The following PARVA variants were observed in gnomAD, a reference collection of about 807,000 sequenced individuals.
The protein encoded by PARVA is parvin alpha.
PARVA carries 25 observed loss-of-function variants against 52.6 expected under a neutral mutation model. The observed-to-expected ratio is 0.48, with a 90% CI of 0.35 to 0.66. The LOEUF (loss-of-function observed/expected upper bound fraction) is 0.66, where lower values mean the gene tolerates loss of function less well. PARVA is among the 30% of genes least tolerant of loss of function. The pLI is 0.01. For missense variants in PARVA, 373 were observed against 450.9 expected, an observed-to-expected ratio of 0.83 and a Z score of 1.56; for synonymous variants, 185 against 179.1, an observed-to-expected ratio of 1.03 and a Z score of -0.26.
Position 12,523,793 on chromosome 11 carries a change from G to C in PARVA, c.1043-4056G>C, listed in dbSNP as rs113675148. Among the ~76,000 whole-genome samples the C allele has an allele frequency of 4.7e-3, 723 of 152,330 alleles. 5 individuals are homozygous for C. The highest frequency in any genetic ancestry group is 0.017 in the African/African-American group (695 of 41,572). On this transcript the variant is annotated intron_variant, in intron 12 of 12. Transcript: ENST00000334956. ...GAGAGGGGCCCTGGGCCAGCACACAGAGGCTATCAGAACTGAACTGAGTTG... is the reference window on the plus strand; with the variant it reads ...GAGAGGGGCCCTGGGCCAGCACACACAGGCTATCAGAACTGAACTGAGTTG...
intron 1 of PARVA, among the ~76,000 whole-genome samples, chr11:12,458,498 A>G (rs1463306729): frequency 6.6e-6 from 1 of 152,224 alleles, no homozygotes; most frequent in African/African-American, 2.4e-5. Context: ...GGATTCTGCA[A>G]CCTGCTCATT....
chr11:12,503,884 T>G (rs962878351), intron 5 of PARVA, among the ~76,000 whole-genome samples: 1 of 152,144 alleles, frequency 6.6e-6, no homozygotes, highest in Non-Finnish European at 1.5e-5. Context: ...GCTGGGTAAT[T>G]TATAAATAAA....
chr11:12,444,707 C>T (rs918533269), intron 1 of PARVA, among the ~76,000 whole-genome samples: 12 of 152,130 alleles, frequency 7.9e-5, no homozygotes, highest in Admixed American at 5.2e-4. Context: ...ATCTTAAATG[C>T]ATTATATAAT....
chr11:12,429,896 A>G (rs1445136594), intron 1 of PARVA, among the ~76,000 whole-genome samples: 1 of 152,196 alleles, frequency 6.6e-6, no homozygotes, highest in African/African-American at 2.4e-5. Context: ...TCATTCACCA[A>G]TGGCATGAGC....
intron 4 of PARVA, among the ~76,000 whole-genome samples, chr11:12,491,574 A>G (rs952912412): frequency 5.3e-5 from 8 of 152,258 alleles, no homozygotes; most frequent in African/African-American, 1.7e-4. Flanking sequence ...ACTATTTTAC[A>G]TCATACAAAA....
chr11:12,484,505 GT>G (rs1357979815), intron 4 of PARVA, among the ~76,000 whole-genome samples: 94 of 814 alleles, frequency 0.12, no homozygotes, highest in East Asian at 0.21. Flanking sequence ...TTTTGTTTTG[GT>G]GTGTGTGTGT....
intron 5 of PARVA, among the ~76,000 whole-genome samples, chr11:12,499,766 C>G (rs1429335685): frequency 6.6e-6 from 1 of 151,828 alleles, no homozygotes; most frequent in East Asian, 1.9e-4. Context: ...TCTTCAAGTT[C>G]TGTGTGTGTC....
intron 1 of PARVA, among the ~76,000 whole-genome samples, chr11:12,447,824 G>C (rs1940567540): frequency 6.6e-6 from 1 of 152,188 alleles, no homozygotes. Context: ...CAGTGTTGGG[G>C]AATGAACATG....
At position 12,504,676 on chromosome 11, in the gene PARVA, T is replaced by A. The variant is rs2303495; in HGVS notation, c.657+247T>A. Among the ~76,000 whole-genome samples, 1,153 of 151,738 alleles carry A rather than the reference T, an allele frequency of 7.6e-3. 50 individuals carry two copies. In the East Asian group the frequency reaches 0.11, roughly 15 times the overall value. The stretch of plus-strand genomic sequence containing the variant: ...TTTGTGTGGGGTATGTGCCTATGGT[T>A]TATGTGTTTTTGTCTGAGTTTTCTG... On this transcript the variant is annotated intron_variant, in intron 6 of 12. Coordinates refer to ENST00000334956, the MANE Select transcript of PARVA (RefSeq NM_018222.5).
chr11:12,459,559 T>TG (rs1351524222), intron 1 of PARVA, among the ~76,000 whole-genome samples: 2 of 152,156 alleles, frequency 1.3e-5, no homozygotes, highest in African/African-American at 2.4e-5. Flanking sequence ...AGCTGGGAAA[T>TG]GACCCAACTG....
chr11:12,422,408 T>A (rs1386845595), intron 1 of PARVA, among the ~76,000 whole-genome samples: 2 of 152,256 alleles, frequency 1.3e-5, no homozygotes, highest in East Asian at 3.8e-4. Flanking sequence ...TCTAGTTCCA[T>A]ATTGTTAGAC....
At chr11:12,387,892 A>G (rs1399771307) in intron 1 of PARVA, among the ~76,000 whole-genome samples, 1 of 152,182 alleles carries the variant, frequency 6.6e-6, no homozygotes. Context: ...CTAAGGTAAA[A>G]GAGCCCAATA....
chr11:12,441,209 C>T (rs1311367234), intron 1 of PARVA, among the ~76,000 whole-genome samples: 1 of 152,164 alleles, frequency 6.6e-6, no homozygotes, highest in Non-Finnish European at 1.5e-5. Context: ...GCGTTCCTGA[C>T]CTCTGCTAAA....
chr11:12,384,119 T>G (rs1459324627), intron 1 of PARVA, among the ~76,000 whole-genome samples: 3 of 152,332 alleles, frequency 2.0e-5, no homozygotes, highest in South Asian at 2.1e-4. Flanking sequence ...TTCAGCTTCC[T>G]CCCAGACTTG....
chr11:12,514,164 G>A, intron 10 of PARVA, 99 bp downstream of exon 10: 1 of 827,490 alleles, frequency 1.2e-6, no homozygotes, highest in Non-Finnish European at 2.1e-6. Context: ...TTTCCCAGCT[G>A]AGGGGGATGA....
At chr11:12,483,294 C>T (rs140990192) in intron 4 of PARVA, among the ~76,000 whole-genome samples, 147 of 152,252 alleles carry the variant, frequency 9.7e-4, no homozygotes, top group African/African-American at 3.4e-3. Flanking sequence ...CAAAAGCAGA[C>T]GCCAAGACAA....
At chr11:12,471,579 A>T (rs77446068) in intron 1 of PARVA, among the ~76,000 whole-genome samples, 18,230 of 108,262 alleles carry the variant, frequency 0.17, 1,318 homozygotes, top group East Asian at 0.39. Context: ...GCTGGAGGCC[A>T]TTATCCTTAG....
At position 12,518,475 on chromosome 11, in the gene PARVA, A is replaced by T. The variant is rs180994495; in HGVS notation, c.1000A>T (p.Met334Leu). 64 of 1,613,812 alleles carry T rather than the reference A, an allele frequency of 4.0e-5. No homozygotes were observed. In the African/African-American group the frequency reaches 6.5e-4, roughly 16 times the overall value. Reference protein sequence around the residue: ...VLNVSFAFELMQDGGLEKPKP... With the variant: ...VLNVSFAFELLQDGGLEKPKP... Reference sequence around the variant, plus strand: ...GAATGTCTCCTTTGCCTTTGAGCTCATGCAAGATGGAGGGTTGGAAAAGCC... The same window carrying T: ...GAATGTCTCCTTTGCCTTTGAGCTCTTGCAAGATGGAGGGTTGGAAAAGCC... The change falls in exon 12 of 13, where the codon ATG becomes TTG. Residue 334 changes from methionine to leucine, a missense_variant. Met to Leu is a conservative substitution (Grantham distance 15). Transcript: ENST00000334956.
intron 4 of PARVA, among the ~76,000 whole-genome samples, chr11:12,493,408 G>A (rs7949191): frequency 3.3e-5 from 5 of 149,898 alleles, no homozygotes; most frequent in African/African-American, 9.8e-5. Context: ...GGATTACTTC[G>A]ATATATTTTT....
Sources: allele counts gnomAD v4.1 joint callset (sites outside exome capture counted in the v4.1 genomes callset), GRCh38; gene constraint gnomAD v4.1.1; transcripts MANE v1.5; gene names NCBI Gene and HGNC (gene_info 2026-07-23, HGNC 2026-07-21).